ADGRB3: variants seen among roughly 807,000 people sequenced by gnomAD.
The protein encoded by ADGRB3 is adhesion G protein-coupled receptor B3.
A neutral mutation model predicts 193.4 loss-of-function variants in ADGRB3; 37 were observed. That is an observed-to-expected ratio of 0.19 (90% CI 0.15 to 0.25). The LOEUF (loss-of-function observed/expected upper bound fraction) is 0.25. Ranked by LOEUF, ADGRB3 falls within the 10% of genes least tolerant of loss-of-function variation. The pLI is 1.00. For missense variants in ADGRB3, 1,637 were observed against 1,852.9 expected, an observed-to-expected ratio of 0.88 and a Z score of 2.14; for synonymous variants, 690 against 644.2, an observed-to-expected ratio of 1.07 and a Z score of -1.08.
At chr6:69,121,001 T>C (rs1187245342) in intron 17 of ADGRB3, among the ~76,000 whole-genome samples, 4 of 145,966 alleles carry the variant, frequency 2.7e-5, no homozygotes, top group African/African-American at 1.0e-4. Flanking sequence ...GCAGTTATCT[T>C]TTTTTTTTTT....
chr6:68,924,836 A>G (rs1767136992), intron 3 of ADGRB3, among the ~76,000 whole-genome samples: 1 of 151,932 alleles, frequency 6.6e-6, no homozygotes, highest in Non-Finnish European at 1.5e-5. Context: ...TTAATCTCTT[A>G]AATGTTAATG....
intron 13 of ADGRB3, among the ~76,000 whole-genome samples, chr6:69,023,051 C>T (rs910016104): frequency 1.9e-4 from 29 of 152,018 alleles, no homozygotes; most frequent in African/African-American, 6.7e-4. Context: ...AGTTTAGAAC[C>T]TAGAACTAGA....
At chr6:69,238,347 A>G (rs1165756830) in intron 19 of ADGRB3, among the ~76,000 whole-genome samples, 1 of 152,096 alleles carries the variant, frequency 6.6e-6, no homozygotes, top group Non-Finnish European at 1.5e-5. Context: ...TTTCAGGGTA[A>G]ACAGCTGGTA....
At chr6:68,799,665 A>G (rs1021094599) in intron 3 of ADGRB3, among the ~76,000 whole-genome samples, 3 of 152,208 alleles carry the variant, frequency 2.0e-5, no homozygotes, top group African/African-American at 7.2e-5. Context: ...GTGAGGTGCT[A>G]TGGAGAAAAC....
intron 13 of ADGRB3, among the ~76,000 whole-genome samples, chr6:69,031,571 C>CTCTCTCTCTCT (rs1337493560): frequency 2.8e-5 from 3 of 106,848 alleles, no homozygotes; most frequent in African/African-American, 3.5e-5. Flanking sequence ...TTCTTTTCTT[C>CTCTCTCTCTCT]CTCTGTCTCT....
At chr6:69,285,195 G>A (rs1323296835) in intron 20 of ADGRB3, among the ~76,000 whole-genome samples, 2 of 152,096 alleles carry the variant, frequency 1.3e-5, no homozygotes, top group African/African-American at 4.8e-5. Context: ...TCTGCAAAAG[G>A]AAATAGATAC....
intron 17 of ADGRB3, among the ~76,000 whole-genome samples, chr6:69,076,278 T>A (rs1449926442): frequency 6.6e-6 from 1 of 152,168 alleles, no homozygotes; most frequent in Non-Finnish European, 1.5e-5. Context: ...CATTGCAATG[T>A]GAATTCCATG....
chr6:69,327,122 C>T (rs1768591421), intron 21 of ADGRB3, among the ~76,000 whole-genome samples: 1 of 149,932 alleles, frequency 6.7e-6, no homozygotes, highest in African/African-American at 2.5e-5. Flanking sequence ...CATGATCTTC[C>T]TGAAAAGAAG....
chr6:69,258,487 G>T (rs1766831147), intron 20 of ADGRB3, among the ~76,000 whole-genome samples: 1 of 152,202 alleles, frequency 6.6e-6, no homozygotes, highest in East Asian at 1.9e-4. Context: ...TACAGTTAAT[G>T]CATTCAGCAA....
At chr6:69,131,536 A>G (rs1287527173) in intron 17 of ADGRB3, among the ~76,000 whole-genome samples, 1 of 152,076 alleles carries the variant, frequency 6.6e-6, no homozygotes, top group Non-Finnish European at 1.5e-5. Context: ...CAAGTGGCAA[A>G]TACTGTATAC....
At chr6:69,040,308 T>TCTTCCTTTCTTC (rs1554251206) in intron 13 of ADGRB3, among the ~76,000 whole-genome samples, 1 of 11,138 alleles carries the variant, frequency 9.0e-5, no homozygotes, top group South Asian at 3.9e-3. Flanking sequence ...TTTCTCTGTC[T>TCTTCCTTTCTTC]CTTTCTTTCT....
intron 3 of ADGRB3, among the ~76,000 whole-genome samples, chr6:68,724,669 T>A (rs907099696): frequency 1.3e-5 from 2 of 151,532 alleles, no homozygotes; most frequent in African/African-American, 4.8e-5. Context: ...CCATATTTTT[T>A]TTTTTTTTGG....
At chr6:69,256,209 C>G (rs1394447794) in intron 20 of ADGRB3, among the ~76,000 whole-genome samples, 365 of 151,188 alleles carry the variant, frequency 2.4e-3, no homozygotes, top group African/African-American at 8.4e-3. Flanking sequence ...TCCATATGAA[C>G]TTTAAAGTAG....
At chr6:68,661,396 T>G (rs1268217059) in intron 3 of ADGRB3, among the ~76,000 whole-genome samples, 8 of 56,482 alleles carry the variant, frequency 1.4e-4, no homozygotes, top group South Asian at 1.1e-3. Flanking sequence ...TATATGTGTG[T>G]ATACATATAT....
At chr6:68,947,318 A>G (rs1767799363) in intron 6 of ADGRB3, among the ~76,000 whole-genome samples, 1 of 151,872 alleles carries the variant, frequency 6.6e-6, no homozygotes, top group Admixed American at 6.6e-5. Flanking sequence ...TATGTTTTCT[A>G]TTTTCTCTGA....
chr6:68,771,123 A>T (rs1296684924), intron 3 of ADGRB3, among the ~76,000 whole-genome samples: 2 of 152,078 alleles, frequency 1.3e-5, no homozygotes, highest in East Asian at 3.9e-4. Context: ...ATATTGCATT[A>T]TGTTAATATT....
intron 17 of ADGRB3, among the ~76,000 whole-genome samples, chr6:69,178,660 C>T (rs1775498347): frequency 6.6e-6 from 1 of 152,134 alleles, no homozygotes; most frequent in African/African-American, 2.4e-5. Context: ...AATAAATTCC[C>T]TTAGCACTTG....
chr6:69,334,697 G>A (rs1165518509), intron 24 of ADGRB3, among the ~76,000 whole-genome samples: 2 of 152,180 alleles, frequency 1.3e-5, no homozygotes, highest in Non-Finnish European at 2.9e-5. Flanking sequence ...ATACTGATCA[G>A]ACTGAGTACT....
intron 17 of ADGRB3, among the ~76,000 whole-genome samples, chr6:69,116,429 T>G (rs1344822912): frequency 6.6e-6 from 1 of 152,182 alleles, no homozygotes; most frequent in Non-Finnish European, 1.5e-5. Flanking sequence ...TAAACTGGAT[T>G]TAGGTTTTCT....
Sources: gnomAD v4.1 joint callset for allele counts (sites outside exome capture counted in the v4.1 genomes callset) on GRCh38, gnomAD v4.1.1 for gene constraint, MANE v1.5 for transcripts, NCBI Gene and HGNC (gene_info 2026-07-23, HGNC 2026-07-21) for gene names.